ACTR3C: variants seen among roughly 807,000 people sequenced by gnomAD.
ACTR3C encodes actin-related protein 3C.
In ACTR3C, 18 loss-of-function variants were observed where a neutral mutation model predicts 26.3. That is an observed-to-expected ratio of 0.68 (90% confidence interval 0.47 to 1.01). ACTR3C has a LOEUF of 1.01. Among genes scored for constraint, ACTR3C ranks in the 50% least tolerant of loss-of-function variants. The pLI is 0.00. For missense variants in ACTR3C, 184 were observed against 250.7 expected (o/e 0.73, Z 1.80); for synonymous variants, 55 against 94.5 (o/e 0.58, Z 2.42).
the ACTR3C span, among the ~76,000 whole-genome samples, chr7:150,037,754 C>T: frequency 2.2e-4 from 10 of 45,400 alleles, no homozygotes; most frequent in Admixed American, 8.8e-4. Context: ...CAGTCCCCAC[C>T]CTCGCGGGGG....
the ACTR3C span, among the ~76,000 whole-genome samples, chr7:149,998,502 C>T: frequency 6.7e-6 from 1 of 149,174 alleles, no homozygotes; most frequent in African/African-American, 2.5e-5. Context: ...AACTTACAAT[C>T]ATGGCAGAAG....
downstream of ACTR3C, chr7:150,244,695 C>T (rs139502837): frequency 0.059 from 9,568 of 163,070 alleles, 973 homozygotes; most frequent in African/African-American, 0.22. Context: ...AGAGAGAGGA[C>T]GGCCTGAGAG....
chr7:149,935,638 G>A, the ACTR3C span, among the ~76,000 whole-genome samples: 15 of 133,166 alleles, frequency 1.1e-4, no homozygotes, highest in African/African-American at 3.9e-4. Flanking sequence ...CTGACCTCAC[G>A]TGATCCACCT....
At chr7:150,041,806 C>A in the ACTR3C span, among the ~76,000 whole-genome samples, 6 of 123,934 alleles carry the variant, frequency 4.8e-5, no homozygotes, top group Admixed American at 1.5e-4. Context: ...TGCCTCCCCC[C>A]CTGCGATGGG....
the ACTR3C span, among the ~76,000 whole-genome samples, chr7:149,966,077 A>G: frequency 6.6e-6 from 1 of 152,134 alleles, no homozygotes; most frequent in Non-Finnish European, 1.5e-5. Context: ...TGGCTGAGGC[A>G]TTTTCCATGG....
At chr7:149,947,140 C>T in the ACTR3C span, among the ~76,000 whole-genome samples, 1 of 151,540 alleles carries the variant, frequency 6.6e-6, no homozygotes, top group Non-Finnish European at 1.5e-5. Flanking sequence ...TCCGTCTTCT[C>T]TTCATCCCAG....
At chr7:150,222,723 A>G in the ACTR3C span, among the ~76,000 whole-genome samples, 4 of 152,218 alleles carry the variant, frequency 2.6e-5, no homozygotes. Context: ...AAGACATTTC[A>G]TTAATCAAGC....
intron 1 of ACTR3C, among the ~76,000 whole-genome samples, chr7:150,319,668 ATTGT>A (rs1457649117): frequency 2.0e-5 from 3 of 152,120 alleles, no homozygotes; most frequent in Non-Finnish European, 2.9e-5. Flanking sequence ...TTATTTATTT[ATTGT>A]TTGTTTGCCC....
the ACTR3C span, among the ~76,000 whole-genome samples, chr7:150,095,686 G>C: frequency 6.7e-6 from 1 of 148,328 alleles, no homozygotes; most frequent in Non-Finnish European, 1.5e-5. Flanking sequence ...CACAGAAAAA[G>C]ACAGAAGGCA....
the ACTR3C span, among the ~76,000 whole-genome samples, chr7:149,919,397 T>C: frequency 0.63 from 94,528 of 150,362 alleles, 30,016 homozygotes; most frequent in South Asian, 0.74. Context: ...TCCACCACCA[T>C]GCCCAGCTAA....
chr7:150,162,378 T>G, the ACTR3C span, among the ~76,000 whole-genome samples: 1 of 151,744 alleles, frequency 6.6e-6, no homozygotes, highest in Non-Finnish European at 1.5e-5. Context: ...CAGGCTGGAG[T>G]GCAATGGTGC....
At chr7:150,099,896 G>C in the ACTR3C span, among the ~76,000 whole-genome samples, 2 of 151,696 alleles carry the variant, frequency 1.3e-5, no homozygotes, top group African/African-American at 2.4e-5. Flanking sequence ...GGTCGCAGTG[G>C]CCTCTAGTCA....
the ACTR3C span, among the ~76,000 whole-genome samples, chr7:150,041,665 A>C: frequency 8.9e-6 from 1 of 112,806 alleles, no homozygotes; most frequent in Non-Finnish European, 1.8e-5. Context: ...GGGTAGCAAC[A>C]GCCGGGGGTG....
chr7:149,959,971 A>G, the ACTR3C span, among the ~76,000 whole-genome samples: 3 of 151,720 alleles, frequency 2.0e-5, no homozygotes, highest in African/African-American at 7.3e-5. Flanking sequence ...ATAATTTTTA[A>G]AGACTGAATT....
At chr7:149,952,914 T>A in the ACTR3C span, among the ~76,000 whole-genome samples, 11,611 of 151,974 alleles carry the variant, frequency 0.076, 1,322 homozygotes, top group African/African-American at 0.25. Context: ...ACACACCTCA[T>A]ATGTATTAAA....
At chr7:150,042,319 G>A in the ACTR3C span, among the ~76,000 whole-genome samples, 1 of 106,352 alleles carries the variant, frequency 9.4e-6, no homozygotes, top group Non-Finnish European at 2.0e-5. Context: ...AAGAGGGACT[G>A]GCTCTCAGTC....
chr7:150,068,490 A>G, the ACTR3C span, among the ~76,000 whole-genome samples: 1 of 152,242 alleles, frequency 6.6e-6, no homozygotes, highest in East Asian at 1.9e-4. Flanking sequence ...TCTGATGCTT[A>G]TAAGAATGGG....
chr7:150,030,825 A>AC, the ACTR3C span, among the ~76,000 whole-genome samples: 9,834 of 152,060 alleles, frequency 0.065, 1,103 homozygotes, highest in African/African-American at 0.22. Flanking sequence ...TGCAGGGCTG[A>AC]CCGCTGCATG....
the ACTR3C span, among the ~76,000 whole-genome samples, chr7:150,043,158 T>G: frequency 2.0e-5 from 3 of 150,362 alleles, no homozygotes; most frequent in East Asian, 2.0e-4. Flanking sequence ...GACCCATGTC[T>G]TATTGTAAAT....
Sources: gnomAD v4.1 joint callset for allele counts (sites outside exome capture counted in the v4.1 genomes callset) on GRCh38, gnomAD v4.1.1 for gene constraint, MANE v1.5 for transcripts, NCBI Gene and HGNC (gene_info 2026-07-23, HGNC 2026-07-21) for gene names.